Variants in MADD observed in about 807,000 individuals in gnomAD.
The protein encoded by MADD is MAP kinase-activating death domain protein.
In MADD, 109 loss-of-function variants were observed where a neutral mutation model predicts 176.7. The observed-to-expected ratio is 0.62, with a 90% CI of 0.53 to 0.72. MADD has a LOEUF of 0.72. Among genes scored for constraint, MADD ranks in the 30% least tolerant of loss-of-function variants. The probability of loss-of-function intolerance (pLI) is 0.00; values close to 1 mark genes in which losing one functional copy is unlikely to be tolerated. For missense variants in MADD, 1,914 were observed against 2,045.5 expected (o/e 0.94, Z 1.24); for synonymous variants, 771 against 771.3 (o/e 1.00, Z 0.01).
At chr11:47,296,634 T>C (rs1264935912) in intron 22 of MADD, among the ~76,000 whole-genome samples, 1 of 152,120 alleles carries the variant, frequency 6.6e-6, no homozygotes, top group Non-Finnish European at 1.5e-5. Context: ...CTGTGAGTAG[T>C]CTCTTCTAAT....
At chr11:47,277,394 G>A (rs1203616643) in intron 5 of MADD, among the ~76,000 whole-genome samples, 2 of 152,212 alleles carry the variant, frequency 1.3e-5, no homozygotes, top group African/African-American at 4.8e-5. Flanking sequence ...CCAGGTTCAA[G>A]TGATTCTCCT....
At position 47,290,338 on chromosome 11, in the gene MADD, C is replaced by T. The variant is rs1370852258; in HGVS notation, c.3094+39C>T. On this transcript the variant is annotated intron_variant, in intron 18 of 32. Transcript: ENST00000402192. ...TTGCTGGGCACCACGCCATCCCTAA[C>T]TCTGCCACTTGTCTCCTGAAGAGAA... is the stretch of plus-strand genomic sequence containing the variant. 5.0e-6 allele frequency: 8 copies of T among 1,601,546 alleles called. No homozygotes were observed. The Admixed American group carries it at 1.2e-4, about 24-fold the overall frequency.
At chr11:47,271,352 T>C (rs1234722964) in intron 1 of MADD, among the ~76,000 whole-genome samples, 1 of 152,260 alleles carries the variant, frequency 6.6e-6, no homozygotes, top group African/African-American at 2.4e-5. Context: ...TAGTTATCTT[T>C]GCAATCTGAA....
At chr11:47,324,305 G>A (rs568759986) in exon 29 of MADD, 38 of 1,614,152 alleles carry the variant, frequency 2.4e-5, no homozygotes, top group Admixed American at 5.0e-5. Context: ...AGCATGGAGC[G>A]CGCTGCCGCC....
chr11:47,275,829 T>G, intron 3 of MADD, 70 bp from the exon 4 acceptor site: 1 of 1,405,758 alleles, frequency 7.1e-7, no homozygotes, highest in Non-Finnish European at 9.8e-7. Context: ...GCCTCTGTGG[T>G]GATACTGAGT....
At chr11:47,327,011 C>T in intron 31 of MADD, 1 of 1,333,508 alleles carries the variant, frequency 7.5e-7, no homozygotes, top group East Asian at 2.8e-5. Flanking sequence ...CGCAGAAGAG[C>T]AAATGGGGCC....
rs563939991 is a variant in MADD at position 47,289,143 on chromosome 11, C to G, written c.2654-248C>G. ...CAGCGTCACATGAGTGACCTGCTTG[C>G]CCCGTCCCCCGTGACGCCCATGCTT... On this transcript the variant is annotated intron_variant, in intron 15 of 32. Coordinates refer to ENST00000402192, the Ensembl canonical transcript of MADD. The G allele has an allele frequency of 4.6e-5, 49 of 1,071,214 alleles. No homozygotes were observed. The African/African-American group carries it at 7.2e-4, about 16-fold the overall frequency. The allele number at this position is 1,071,214 out of a possible 1,614,324, so 66.4% of individuals were successfully genotyped here.
intron 26 of MADD, among the ~76,000 whole-genome samples, chr11:47,313,730 G>T (rs1296587046): frequency 6.6e-6 from 1 of 151,770 alleles, no homozygotes; most frequent in Non-Finnish European, 1.5e-5. Flanking sequence ...TTTTTTTTCA[G>T]TCTGGGGAAC....
At chr11:47,301,280 A>AT (rs1396292728) in intron 22 of MADD, among the ~76,000 whole-genome samples, 2 of 149,848 alleles carry the variant, frequency 1.3e-5, no homozygotes, top group Admixed American at 6.7e-5. Context: ...AACCGGCTAA[A>AT]TTTTTTTTTG....
intron 22 of MADD, among the ~76,000 whole-genome samples, chr11:47,298,040 G>A (rs553077570): frequency 1.3e-5 from 2 of 151,904 alleles, no homozygotes; most frequent in South Asian, 2.1e-4. Context: ...TGCCCACCTC[G>A]GCCTCCCAAA....
exon 4 of MADD, chr11:47,275,900 G>A: frequency 6.2e-7 from 1 of 1,603,182 alleles, no homozygotes; most frequent in Non-Finnish European, 8.5e-7. Flanking sequence ...GCTTCTCAGG[G>A]ACACCATGTG....
At chr11:47,286,521 C>T in exon 15 of MADD, 1 of 1,613,216 alleles carries the variant, frequency 6.2e-7, no homozygotes, top group Admixed American at 1.7e-5. Context: ...CCACGCCCTT[C>T]CCCAGTCTGA....
intron 23 of MADD, 54 bp downstream of exon 25, chr11:47,308,753 G>C: frequency 7.0e-7 from 1 of 1,419,010 alleles, no homozygotes; most frequent in Non-Finnish European, 9.9e-7. Context: ...ACTCAGCCAG[G>C]GGAGAGGGTC....
chr11:47,281,980 G>T (rs931713104), intron 8 of MADD, among the ~76,000 whole-genome samples: 4 of 151,374 alleles, frequency 2.6e-5, no homozygotes, highest in Non-Finnish European at 5.9e-5. Flanking sequence ...GATTACAGGC[G>T]CCTGCCACCA....
At chr11:47,275,095 C>T (rs763708702) in exon 3 of MADD, 355 of 1,614,114 alleles carry the variant, frequency 2.2e-4, no homozygotes, top group Non-Finnish European at 2.4e-4. Flanking sequence ...TCTCAAGCGC[C>T]TGGTGGACTG....
chr11:47,318,400 A>G (rs575431642), intron 27 of MADD, among the ~76,000 whole-genome samples: 5 of 152,328 alleles, frequency 3.3e-5, no homozygotes, highest in East Asian at 3.9e-4. Context: ...TGTAGCCAAG[A>G]AGGAGTCATT....
At chr11:47,283,511 C>CCTGCCT (rs1233842359) in intron 10 of MADD, among the ~76,000 whole-genome samples, 6 of 152,044 alleles carry the variant, frequency 3.9e-5, no homozygotes, top group African/African-American at 1.2e-4. Context: ...AAGTGATTCT[C>CCTGCCT]CTGCCTCCGC....
intron 22 of MADD, among the ~76,000 whole-genome samples, chr11:47,302,840 CATTT>C (rs1307396855): frequency 2.0e-5 from 3 of 152,132 alleles, no homozygotes; most frequent in Non-Finnish European, 2.9e-5. Flanking sequence ...TTCTTCCTCT[CATTT>C]ATCATTATGG....
intron 22 of MADD, among the ~76,000 whole-genome samples, chr11:47,297,289 TAG>T (rs2073304809): frequency 1.3e-5 from 2 of 152,126 alleles, no homozygotes; most frequent in Non-Finnish European, 2.9e-5. Flanking sequence ...GTGTTTTTAA[TAG>T]AGTCAGTGAC....
Sources: allele counts gnomAD v4.1 joint callset (sites outside exome capture counted in the v4.1 genomes callset), GRCh38; gene constraint gnomAD v4.1.1; transcripts MANE v1.5; gene names NCBI Gene and HGNC (gene_info 2026-07-23, HGNC 2026-07-21).